The following NAV3 variants were observed in gnomAD, a reference collection of about 807,000 sequenced individuals.
The protein encoded by NAV3 is neuron navigator 3.
A neutral mutation model predicts 244.7 loss-of-function variants in NAV3; 87 were observed. The observed-to-expected ratio is 0.36, with a 90% CI of 0.30 to 0.42. The LOEUF is 0.42. Among genes scored for constraint, NAV3 ranks in the 20% least tolerant of loss-of-function variants. The pLI, the probability that NAV3 is intolerant of heterozygous loss-of-function variation, is 1.00. For synonymous variants in NAV3, 1,126 were observed against 1,042.2 expected, an observed-to-expected ratio of 1.08 and a Z score of -1.55; for missense variants, 2,663 against 2,893.3, an observed-to-expected ratio of 0.92 and a Z score of 1.83.
chr12:78,080,563 G>C (rs1183716210), intron 12 of NAV3, among the ~76,000 whole-genome samples: 1 of 152,100 alleles, frequency 6.6e-6, no homozygotes, highest in African/African-American at 2.4e-5. Flanking sequence ...GTGGGTATCA[G>C]TATTGATTAT....
At chr12:78,158,357 C>T (rs1336066257) in intron 22 of NAV3, among the ~76,000 whole-genome samples, 1 of 152,078 alleles carries the variant, frequency 6.6e-6, no homozygotes, top group Non-Finnish European at 1.5e-5. Flanking sequence ...ATTGAAGTGC[C>T]TCTTCATTTT....
chr12:77,809,462 C>G (rs370645801), intron 2 of NAV3, among the ~76,000 whole-genome samples: 1 of 152,286 alleles, frequency 6.6e-6, no homozygotes, highest in Admixed American at 6.5e-5. Context: ...GGTGAGGTGA[C>G]GCCCCACCCA....
intron 30 of NAV3, 61 bp from the exon 31 acceptor site, chr12:78,185,540 A>G (rs1958675128): frequency 7.1e-7 from 1 of 1,402,516 alleles, no homozygotes; most frequent in South Asian, 1.2e-5. Flanking sequence ...AAAGAATGAC[A>G]GTAAACAAAT....
At chr12:77,873,643 A>G (rs1417139846) in intron 1 of NAV3, among the ~76,000 whole-genome samples, 1 of 143,566 alleles carries the variant, frequency 7.0e-6, no homozygotes, top group African/African-American at 2.5e-5. Flanking sequence ...TAAGGAAAAG[A>G]AATAGTATTT....
intron 2 of NAV3, among the ~76,000 whole-genome samples, chr12:77,755,661 T>TTCCTCCCTTC: frequency 9.6e-6 from 1 of 104,274 alleles, no homozygotes; most frequent in Middle Eastern, 4.8e-3. Context: ...TTCCTTCCAC[T>TTCCTCCCTTC]CTCTCTCTTT....
intron 2 of NAV3, among the ~76,000 whole-genome samples, chr12:77,704,999 G>A (rs1875728551): frequency 1.3e-5 from 2 of 152,190 alleles, no homozygotes; most frequent in African/African-American, 4.8e-5. Context: ...CATTTTTTAA[G>A]ATGCAAGAGA....
At chr12:77,783,400 G>C (rs1246005348) in intron 2 of NAV3, 1 of 152,022 alleles carries the variant, frequency 6.6e-6, no homozygotes. Context: ...CTGGAAATAT[G>C]ACCAAGCAGA....
chr12:77,628,291 T>C (rs1439226824), intron 2 of NAV3, among the ~76,000 whole-genome samples: 1 of 152,122 alleles, frequency 6.6e-6, no homozygotes, highest in African/African-American at 2.4e-5. Context: ...TATGTATCAA[T>C]AAAAATATTT....
At chr12:77,827,972 T>C (rs563318420), upstream of NAV3, among the ~76,000 whole-genome samples, 23 of 152,308 alleles carry the variant, frequency 1.5e-4, 1 homozygote, top group East Asian at 4.1e-3. Flanking sequence ...TTCTAGTTTT[T>C]AGAAGAATCA....
At chr12:77,747,896 T>TG (rs1868636474) in intron 2 of NAV3, among the ~76,000 whole-genome samples, 1 of 150,940 alleles carries the variant, frequency 6.6e-6, no homozygotes. Flanking sequence ...GGTTGGGGGA[T>TG]GGGGGAGGGA....
chr12:77,629,949 C>A (rs1466897677), intron 2 of NAV3, among the ~76,000 whole-genome samples: 2 of 152,116 alleles, frequency 1.3e-5, no homozygotes, highest in African/African-American at 4.8e-5. Flanking sequence ...CTCAAAATTT[C>A]TATTATGGCA....
intron 31 of NAV3, 73 bp from the exon 32 acceptor site, chr12:78,188,175 T>G: frequency 8.7e-7 from 1 of 1,149,866 alleles, no homozygotes; most frequent in Non-Finnish European, 1.3e-6. Context: ...CATTAACTAA[T>G]TTTAGTAGAA....
intron 2 of NAV3, among the ~76,000 whole-genome samples, chr12:77,640,770 G>T (rs766777669): frequency 6.6e-6 from 1 of 152,114 alleles, no homozygotes; most frequent in African/African-American, 2.4e-5. Context: ...CAACCTAAAG[G>T]AAGAAGCTGA....
At chr12:78,069,365 A>G (rs771572497) in intron 12 of NAV3, among the ~76,000 whole-genome samples, 14 of 152,018 alleles carry the variant, frequency 9.2e-5, no homozygotes, top group Non-Finnish European at 1.8e-4. Flanking sequence ...CAAAAGTGTG[A>G]AGAAGAATCT....
intron 2 of NAV3, among the ~76,000 whole-genome samples, chr12:77,748,556 A>G (rs1868676250): frequency 6.6e-6 from 1 of 152,236 alleles, no homozygotes; most frequent in Non-Finnish European, 1.5e-5. Context: ...AATATTATTC[A>G]GCCATGAATA....
chr12:77,936,492 C>T (rs1441226854), intron 1 of NAV3, among the ~76,000 whole-genome samples: 3 of 152,094 alleles, frequency 2.0e-5, no homozygotes, highest in Non-Finnish European at 4.4e-5. Context: ...TTCAATGACC[C>T]TTTTACAAAA....
intron 3 of NAV3, among the ~76,000 whole-genome samples, chr12:77,955,449 A>G (rs1891277089): frequency 6.6e-6 from 1 of 152,156 alleles, no homozygotes; most frequent in South Asian, 2.1e-4. Flanking sequence ...TTCTGTGATC[A>G]ACACTTTTAT....
intron 3 of NAV3, among the ~76,000 whole-genome samples, chr12:77,960,606 G>A (rs1224416150): frequency 6.8e-6 from 1 of 147,910 alleles, no homozygotes; most frequent in Admixed American, 6.8e-5. Flanking sequence ...TATATGTAAT[G>A]TATGTAATAT....
chr12:77,934,647 T>G (rs1305814005), intron 1 of NAV3, among the ~76,000 whole-genome samples: 1 of 152,188 alleles, frequency 6.6e-6, no homozygotes, highest in Non-Finnish European at 1.5e-5. Context: ...ATATGCTTAG[T>G]CTTTTGCTGC....
Sources: gnomAD v4.1 joint callset for allele counts (sites outside exome capture counted in the v4.1 genomes callset) on GRCh38, gnomAD v4.1.1 for gene constraint, MANE v1.5 for transcripts, NCBI Gene and HGNC (gene_info 2026-07-23, HGNC 2026-07-21) for gene names.